The following P2RY2 variants were observed in gnomAD, a reference collection of about 807,000 sequenced individuals.
P2RY2 encodes purinergic receptor P2Y2.
For missense variants in P2RY2, 567 were observed against 515.7 expected (o/e 1.10, Z -0.96); for synonymous variants, 241 against 231.9 (o/e 1.04, Z -0.35).
In P2RY2 at chr11:73,236,659, C is replaced by T; in HGVS notation, c.*1366C>T. 9 of 985,388 alleles carry T rather than the reference C, an allele frequency of 9.1e-6. No homozygotes were observed. The highest frequency in any genetic ancestry group is 9.6e-6 in the Non-Finnish European group (8 of 829,914). 61.0% of individuals were successfully genotyped at this position (985,388 alleles called of 1,614,324 possible). A position where few individuals can be genotyped will look rare whatever the true frequency, so the allele number is the denominator to read the frequency against. On this transcript the variant is annotated 3_prime_UTR_variant, in exon 3 of 3. Transcript: ENST00000393597. The stretch of plus-strand genomic sequence containing the variant: ...GTCACAAGGAGGCCAAGTTAGGGCT[C>T]CCTCCTTGCCCTGACCCTGAGGCTT...
chr11:73,227,140 C>T (rs1025570918), intron 1 of P2RY2, among the ~76,000 whole-genome samples: 5 of 152,100 alleles, frequency 3.3e-5, no homozygotes, highest in African/African-American at 1.2e-4. Context: ...CATGTGTTCT[C>T]ATTGTTCAAC....
At chr11:73,233,708 G>A (rs1173948069) in intron 2 of P2RY2, among the ~76,000 whole-genome samples, 1 of 152,188 alleles carries the variant, frequency 6.6e-6, no homozygotes, top group Non-Finnish European at 1.5e-5. Flanking sequence ...TGTTGCCTAG[G>A]CTGGGCTTAA....
intron 2 of P2RY2, among the ~76,000 whole-genome samples, chr11:73,233,664 T>G (rs968116517): frequency 2.6e-5 from 4 of 152,232 alleles, no homozygotes; most frequent in African/African-American, 9.6e-5. Flanking sequence ...CTGGCTAATT[T>G]TTAAAAGAAT....
At chr11:73,227,449 CA>C (rs1332560186) in intron 1 of P2RY2, among the ~76,000 whole-genome samples, 5 of 152,064 alleles carry the variant, frequency 3.3e-5, no homozygotes, top group East Asian at 1.9e-4. Flanking sequence ...GTGTCTGTGC[CA>C]GTGTGTGTTC....
rs756855478 is a variant in P2RY2, at chr11:73,235,278, G to T, written c.1119G>T (p.Lys373Asn). Reference protein sequence around the residue: ...ESTPAGSENTKDIRL With the variant: ...ESTPAGSENTNDIRL The stretch of plus-strand genomic sequence containing the variant: ...CGCCGGCTGGTAGCGAGAACACTAA[G>T]GACATTCGGCTGTAGGAGCAGAACA... The change falls in exon 3 of 3, where the codon AAG becomes AAT. Residue 373 changes from lysine (K) to asparagine (N), a missense_variant. Lys to Asn is a moderately conservative substitution (Grantham distance 94, BLOSUM62 0). Coordinates refer to ENST00000393597, the MANE Select transcript of P2RY2 (RefSeq NM_002564.4). 3 of 1,561,386 alleles carry T rather than the reference G, an allele frequency of 1.9e-6. No homozygotes were observed. The East Asian group carries it at 6.8e-5, about 35-fold the overall frequency.
chr11:73,227,428 T>C (rs1375577310), intron 1 of P2RY2, among the ~76,000 whole-genome samples: 1 of 152,148 alleles, frequency 6.6e-6, no homozygotes, highest in East Asian at 1.9e-4. Flanking sequence ...TGTGTATCCG[T>C]GTGTCTTGGT....
At chr11:73,224,406 C>T (rs1862216655) in intron 1 of P2RY2, among the ~76,000 whole-genome samples, 1 of 152,224 alleles carries the variant, frequency 6.6e-6, no homozygotes, top group Non-Finnish European at 1.5e-5. Context: ...AAATGCAGGT[C>T]AGGCGCTCTC....
Position 73,237,839 on chromosome 11 carries a change from A to G in P2RY2, c.*2546A>G, listed in dbSNP as rs938693864. 2.6e-5 allele frequency among the ~76,000 whole-genome samples: 4 copies of G among 152,182 alleles called. No individual in the cohort carries two copies. The highest frequency in any genetic ancestry group is 9.7e-5 in the African/African-American group (4 of 41,440). On this transcript the variant is annotated 3_prime_UTR_variant, in exon 3 of 3. Coordinates refer to ENST00000393597, the MANE Select transcript of P2RY2 (RefSeq NM_002564.4). ...GCCTCATGCTATTTTCAGCCCAAGT[A>G]AGACCATAATTTTCCACTCCTGGCC...
At position 73,224,045 on chromosome 11, in the gene P2RY2, G is replaced by C. The variant is rs73536987; in HGVS notation, c.-199-3936G>C. ...CAAAGAGGGAGAGAACATCTGGGAG[G>C]GGGTAGAGAGCCCAAGGGCCTCCTG... On this transcript the variant is annotated intron_variant, in intron 1 of 2. Transcript: ENST00000393597. Among the ~76,000 whole-genome samples the C allele has an allele frequency of 5.4e-3, 827 of 152,276 alleles. 5 individuals carry two copies. Among genetic ancestry groups the C allele is most frequent in the African/African-American group, 0.018 (764 of 41,544 alleles).
chr11:73,219,293 C>T (rs1012921927), intron 1 of P2RY2, among the ~76,000 whole-genome samples: 1 of 152,164 alleles, frequency 6.6e-6, no homozygotes, highest in African/African-American at 2.4e-5. Flanking sequence ...AGTTTATTAC[C>T]TGTGGGTGGA....
In P2RY2 at chr11:73,241,900, C is replaced by T. The variant is rs906714971; in HGVS notation, c.*6607C>T. 2.0e-5 allele frequency: 3 copies of T among 152,288 alleles called. No individual in the cohort carries two copies. The highest frequency in any genetic ancestry group is 6.5e-5 in the Admixed American group (1 of 15,286). 9.4% of individuals were successfully genotyped at this position (152,288 alleles called of 1,614,324 possible). A position where few individuals can be genotyped will look rare whatever the true frequency, so the allele number is the denominator to read the frequency against. On this transcript the variant is annotated 3_prime_UTR_variant, in exon 3 of 3. Coordinates refer to ENST00000393597, the MANE Select transcript of P2RY2 (RefSeq NM_002564.4). ...AAAATGACCTGATTAGAGTGTGCAA[C>T]GTCTTTCCTGCTGGGACTCTGACTG...
intron 1 of P2RY2, among the ~76,000 whole-genome samples, chr11:73,219,917 C>G (rs1478346033): frequency 6.6e-6 from 1 of 152,230 alleles, no homozygotes; most frequent in Non-Finnish European, 1.5e-5. Flanking sequence ...CTTCTAGGCC[C>G]CTACAGGCCT....
intron 1 of P2RY2, among the ~76,000 whole-genome samples, chr11:73,227,086 C>A (rs890535890): frequency 6.6e-6 from 1 of 152,118 alleles, no homozygotes; most frequent in African/African-American, 2.4e-5. Context: ...CCTAGCCCCA[C>A]AACCCCAACA....
At position 73,237,224 on chromosome 11, in the gene P2RY2, T is replaced by A. The variant is rs1862675639; in HGVS notation, c.*1931T>A. The A allele has an allele frequency of 1.7e-6, 1 of 587,738 alleles. No individual in the cohort carries two copies. Among genetic ancestry groups the A allele is most frequent in the Non-Finnish European group, 2.1e-6 (1 of 466,764 alleles). The allele number at this position is 587,738 out of a possible 1,614,324, so 36.4% of individuals were successfully genotyped here. ...CACCTTCTAGGTTCTATACTTCTGTTAATGTAGCCGATGTCCTTCTGAGTT... is the reference window on the plus strand; with the variant it reads ...CACCTTCTAGGTTCTATACTTCTGTAAATGTAGCCGATGTCCTTCTGAGTT... On this transcript the variant is annotated 3_prime_UTR_variant, in exon 3 of 3. Coordinates refer to ENST00000393597, the MANE Select transcript of P2RY2 (RefSeq NM_002564.4).
chr11:73,228,993 CTTCATTCATTCATTCA>C (rs58289514), intron 2 of P2RY2, among the ~76,000 whole-genome samples: 8 of 150,110 alleles, frequency 5.3e-5, no homozygotes, highest in Non-Finnish European at 1.0e-4. Context: ...CTTGTGCTTG[CTTCATTCATTCATTCA>C]TTCATTCATT....
chr11:73,236,487 G>T lies in P2RY2; in HGVS notation c.*1194G>T, dbSNP rs80165937. On this transcript the variant is annotated 3_prime_UTR_variant, in exon 3 of 3. Coordinates refer to ENST00000393597, the MANE Select transcript of P2RY2 (RefSeq NM_002564.4). ...TCCTGGAGTGGGAGACTCCTGAGCT[G>T]TAGCTTCTGAGAAAAGCAGCTCACC... The T allele has an allele frequency of 1.7e-3, 1,586 of 927,622 alleles. 24 individuals carry two copies. The African/African-American group carries it at 0.026, about 15-fold the overall frequency. The allele number at this position is 927,622 out of a possible 1,614,324, so 57.5% of individuals were successfully genotyped here. A position where few individuals can be genotyped will look rare whatever the true frequency, so the allele number is the denominator to read the frequency against.
chr11:73,228,434 A>C (rs1862350598), intron 2 of P2RY2, among the ~76,000 whole-genome samples: 1 of 152,198 alleles, frequency 6.6e-6, no homozygotes, highest in Non-Finnish European at 1.5e-5. Context: ...ATATCTACCA[A>C]GGGATGGAGG....
chr11:73,219,879 C>A (rs1179339539), intron 1 of P2RY2, among the ~76,000 whole-genome samples: 3 of 152,206 alleles, frequency 2.0e-5, no homozygotes, highest in African/African-American at 4.8e-5. Flanking sequence ...GAAAGCCTTC[C>A]TTGATCCCTA....
At chr11:73,224,751 T>C (rs1216692890) in intron 1 of P2RY2, among the ~76,000 whole-genome samples, 3 of 152,222 alleles carry the variant, frequency 2.0e-5, no homozygotes, top group Non-Finnish European at 4.4e-5. Context: ...GTGACCTTCC[T>C]GTATCCCCTT....
Sources: gnomAD v4.1 joint callset for allele counts (sites outside exome capture counted in the v4.1 genomes callset) on GRCh38, gnomAD v4.1.1 for gene constraint, MANE v1.5 for transcripts, NCBI Gene and HGNC (gene_info 2026-07-23, HGNC 2026-07-21) for gene names.